Variants in ASIC2 observed in about 807,000 individuals in gnomAD.
ASIC2 encodes the protein acid sensing ion channel subunit 2.
In ASIC2, 25 loss-of-function variants were observed where a neutral mutation model predicts 57.3. The observed-to-expected ratio is 0.44, with a 90% CI of 0.32 to 0.61. The LOEUF (loss-of-function observed/expected upper bound fraction) is 0.61. Among genes scored for constraint, ASIC2 ranks in the 20% least tolerant of loss-of-function variants. The pLI is 0.06. For missense variants in ASIC2, 641 were observed against 738.1 expected, an observed-to-expected ratio of 0.87 and a Z score of 1.52; for synonymous variants, 319 against 307.5, an observed-to-expected ratio of 1.04 and a Z score of -0.39.
chr17:34,134,481 G>A (rs141455992), intron 1 of ASIC2, among the ~76,000 whole-genome samples: 1 of 152,126 alleles, frequency 6.6e-6, no homozygotes, highest in African/African-American at 2.4e-5. Flanking sequence ...AAGAGTAAAT[G>A]CACAATGCAG....
chr17:33,425,601 T>C (rs996402119), intron 1 of ASIC2, among the ~76,000 whole-genome samples: 3 of 152,028 alleles, frequency 2.0e-5, no homozygotes, highest in East Asian at 1.9e-4. Context: ...GAGGCAGAGT[T>C]TGAGCCTCGA....
rs140988959 is a variant in ASIC2 at position 33,896,034 on chromosome 17, A to G, written c.555+259944T>C. Among the ~76,000 whole-genome samples the G allele has an allele frequency of 4.6e-5, 7 of 152,332 alleles. No homozygotes were observed. In the East Asian group the frequency reaches 9.6e-4, roughly 21 times the overall value. On this transcript the variant is annotated intron_variant, in intron 1 of 9. Transcript: ENST00000359872. The stretch of plus-strand genomic sequence containing the variant: ...AAAAAAAAATGTAAAGCACTTTTTC[A>G]GTAGGCACTCAGTAGAAACAATGTT...
intron 1 of ASIC2, among the ~76,000 whole-genome samples, chr17:33,226,426 G>T (rs1033343959): frequency 6.6e-6 from 1 of 152,180 alleles, no homozygotes; most frequent in Non-Finnish European, 1.5e-5. Flanking sequence ...TGCAGTTTAA[G>T]ATGTCTATAA....
chr17:33,089,598 C>T (rs2092149682), intron 2 of ASIC2, among the ~76,000 whole-genome samples: 1 of 152,218 alleles, frequency 6.6e-6, no homozygotes, highest in Non-Finnish European at 1.5e-5. Flanking sequence ...CAGGTCAACT[C>T]CTTGCCTCAG....
rs568365479 is a variant in ASIC2, at chr17:33,874,460, A to G, written c.555+281518T>C. Among the ~76,000 whole-genome samples, 4 of 152,282 alleles carry G rather than the reference A, an allele frequency of 2.6e-5. No individual in the cohort carries two copies. In the South Asian group the frequency reaches 8.3e-4, roughly 32 times the overall value. Reference sequence around the variant, plus strand: ...ATTCAAATTTAACTGGGTGTTCTGTATTTTCATTTGCTAAACCAAGCAACC... The same window carrying G: ...ATTCAAATTTAACTGGGTGTTCTGTGTTTTCATTTGCTAAACCAAGCAACC... On this transcript the variant is annotated intron_variant, in intron 1 of 9. Coordinates refer to the ASIC2 transcript ENST00000359872.
chr17:33,971,245 T>C (rs556603102), intron 1 of ASIC2, among the ~76,000 whole-genome samples: 18 of 152,248 alleles, frequency 1.2e-4, no homozygotes, highest in African/African-American at 4.3e-4. Context: ...CTTCGTTTCC[T>C]GGGTTGTCAG....
At chr17:33,738,825 T>C (rs879394088) in intron 1 of ASIC2, among the ~76,000 whole-genome samples, 7 of 152,238 alleles carry the variant, frequency 4.6e-5, no homozygotes, top group Non-Finnish European at 7.3e-5. Context: ...TTGTGTGGCT[T>C]AGGTGGCTTA....
chr17:33,809,191 T>C (rs1357295986), intron 1 of ASIC2, among the ~76,000 whole-genome samples: 1 of 150,440 alleles, frequency 6.6e-6, no homozygotes, highest in African/African-American at 2.5e-5. Flanking sequence ...ACTGGCTTTG[T>C]CTGACTCATT....
intron 1 of ASIC2, among the ~76,000 whole-genome samples, chr17:33,240,634 T>C (rs549792627): frequency 6.6e-6 from 1 of 152,224 alleles, no homozygotes; most frequent in South Asian, 2.1e-4. Context: ...TGTGGGGCCA[T>C]AACAGGCAAC....
chr17:33,506,581 T>C (rs1390908183), intron 1 of ASIC2, among the ~76,000 whole-genome samples: 13 of 152,166 alleles, frequency 8.5e-5, no homozygotes, highest in Admixed American at 8.5e-4. Flanking sequence ...GGGGTGTGTG[T>C]GTGTGTACCG....
At chr17:33,178,467 C>T (rs79399272) in intron 1 of ASIC2, among the ~76,000 whole-genome samples, 1,881 of 152,274 alleles carry the variant, frequency 0.012, 22 homozygotes, top group Middle Eastern at 0.044. Flanking sequence ...TTAGCACCTG[C>T]TATTTGTCAT....
In ASIC2 at chr17:33,150,450, A is replaced by G. The variant is rs371074085; in HGVS notation, c.709-38383T>C. Reference sequence around the variant, plus strand: ...AAATCCTCCTGGAAAGATGTTGTCCATTCTCTTCTTGGAACAGCTTTGGAA... The same window carrying G: ...AAATCCTCCTGGAAAGATGTTGTCCGTTCTCTTCTTGGAACAGCTTTGGAA... On this transcript the variant is annotated intron_variant, in intron 1 of 9. Coordinates refer to ENST00000225823, the MANE Select transcript of ASIC2 (RefSeq NM_183377.2). Among the ~76,000 whole-genome samples, 216 of 152,326 alleles carry G rather than the reference A, an allele frequency of 1.4e-3. 2 individuals carry two copies. The highest frequency in any genetic ancestry group is 6.5e-4 in the Admixed American group (10 of 15,308).
At chr17:33,086,483 T>G (rs1337423440) in intron 3 of ASIC2, among the ~76,000 whole-genome samples, 3 of 152,224 alleles carry the variant, frequency 2.0e-5, no homozygotes. Flanking sequence ...TTGATGAGTC[T>G]AACCTGTTCC....
At chr17:34,072,217 C>T (rs995097028) in intron 1 of ASIC2, 6 of 152,300 alleles carry the variant, frequency 3.9e-5, no homozygotes, top group African/African-American at 7.2e-5. Context: ...GCCTCAGCAC[C>T]GCTCTGTGCA....
At chr17:33,570,565 G>C (rs891384324) in intron 1 of ASIC2, among the ~76,000 whole-genome samples, 14 of 152,232 alleles carry the variant, frequency 9.2e-5, no homozygotes, top group African/African-American at 3.4e-4. Flanking sequence ...GAATTGATTA[G>C]TCCCAGAGAA....
Position 33,913,806 on chromosome 17 carries a change from T to C in ASIC2, c.555+242172A>G, listed in dbSNP as rs571835799. 2.3e-4 allele frequency among the ~76,000 whole-genome samples: 35 copies of C among 152,352 alleles called. 1 individual carries two copies. Among genetic ancestry groups the C allele is most frequent in the African/African-American group, 8.2e-4 (34 of 41,578 alleles). On this transcript the variant is annotated intron_variant, in intron 1 of 9. Transcript: ENST00000359872. ...GGTAACCATCACTGTCATGTTGTAA[T>C]TGTTGACGATACTTTTCGTATTTAT... is the stretch of plus-strand genomic sequence containing the variant.
At chr17:34,044,067 T>C (rs1324532509) in intron 1 of ASIC2, among the ~76,000 whole-genome samples, 1 of 151,242 alleles carries the variant, frequency 6.6e-6, no homozygotes, top group Non-Finnish European at 1.5e-5. Context: ...ATAAAACAGC[T>C]CATACAAAAT....
At chr17:34,105,238 T>C (rs572036115) in intron 1 of ASIC2, among the ~76,000 whole-genome samples, 3 of 152,156 alleles carry the variant, frequency 2.0e-5, no homozygotes, top group Admixed American at 6.5e-5. Flanking sequence ...TCTTGCATGA[T>C]TTTTTAAATA....
At chr17:33,793,993 C>G (rs1597878624) in intron 1 of ASIC2, 1 of 152,140 alleles carries the variant, frequency 6.6e-6, no homozygotes, top group Non-Finnish European at 1.5e-5. Context: ...AGAGCACACA[C>G]TCTAACTGCC....
Sources: gnomAD v4.1 joint callset for allele counts (sites outside exome capture counted in the v4.1 genomes callset) on GRCh38, gnomAD v4.1.1 for gene constraint, MANE v1.5 for transcripts, NCBI Gene and HGNC (gene_info 2026-07-23, HGNC 2026-07-21) for gene names.